The following RPS6KC1 variants were observed in gnomAD, a reference collection of about 807,000 sequenced individuals.
RPS6KC1 encodes ribosomal protein S6 kinase C1, also known as inactive ribosomal protein S6 kinase delta-1.
Under a neutral mutation model 103.8 loss-of-function variants are expected in RPS6KC1, and 54 were observed. The observed-to-expected ratio is 0.52, with a 90% CI of 0.42 to 0.65. The LOEUF (loss-of-function observed/expected upper bound fraction) is 0.65, where lower values mean the gene tolerates loss of function less well. Ranked by LOEUF, RPS6KC1 falls within the 30% of genes least tolerant of loss-of-function variation. The probability of loss-of-function intolerance (pLI) is 0.00; values close to 1 mark genes in which losing one functional copy is unlikely to be tolerated. For synonymous variants in RPS6KC1, 439 were observed against 438.7 expected (o/e 1.00, Z -0.01); for missense variants, 1,151 against 1,253.8 (o/e 0.92, Z 1.24).
the RPS6KC1 span, among the ~76,000 whole-genome samples, chr1:213,622,679 T>C: frequency 1.3e-5 from 2 of 152,048 alleles, no homozygotes; most frequent in Non-Finnish European, 2.9e-5. Context: ...CTGACCCCCA[T>C]AGGCACTTGA....
the RPS6KC1 span, among the ~76,000 whole-genome samples, chr1:213,630,815 G>A: frequency 1.3e-5 from 2 of 152,216 alleles, no homozygotes; most frequent in Non-Finnish European, 2.9e-5. Flanking sequence ...TCAGCTGCAG[G>A]TCTATTGGAG....
the RPS6KC1 span, among the ~76,000 whole-genome samples, chr1:213,437,846 A>T: frequency 6.6e-6 from 1 of 151,868 alleles, no homozygotes; most frequent in African/African-American, 2.4e-5. Flanking sequence ...CTAATATGTG[A>T]ATTTAAAGCT....
chr1:213,249,519 C>T (rs1011082604), intron 12 of RPS6KC1, among the ~76,000 whole-genome samples: 11 of 152,062 alleles, frequency 7.2e-5, no homozygotes, highest in East Asian at 1.9e-4. Flanking sequence ...AGCAGCAGAG[C>T]GGCAGAGAGA....
the RPS6KC1 span, among the ~76,000 whole-genome samples, chr1:213,626,705 T>G: frequency 2.0e-5 from 3 of 152,188 alleles, no homozygotes; most frequent in East Asian, 5.8e-4. Context: ...GTTTCTTGTT[T>G]TTGTCAGATT....
the RPS6KC1 span, among the ~76,000 whole-genome samples, chr1:213,411,858 C>T: frequency 6.6e-6 from 1 of 152,198 alleles, no homozygotes; most frequent in Non-Finnish European, 1.5e-5. Context: ...CCTAAGGGCT[C>T]CTTTCTGGCT....
the RPS6KC1 span, among the ~76,000 whole-genome samples, chr1:213,528,402 G>A: frequency 6.6e-6 from 1 of 151,442 alleles, no homozygotes; most frequent in Admixed American, 6.6e-5. Flanking sequence ...TAACTCCCAT[G>A]GCTCCCTCCC....
At chr1:213,564,432 G>C in the RPS6KC1 span, among the ~76,000 whole-genome samples, 1 of 152,154 alleles carries the variant, frequency 6.6e-6, no homozygotes. Context: ...TGAAAGCCTG[G>C]GAAAAGAAGG....
At chr1:213,592,438 C>A in the RPS6KC1 span, among the ~76,000 whole-genome samples, 1 of 152,196 alleles carries the variant, frequency 6.6e-6, no homozygotes, top group East Asian at 1.9e-4. Flanking sequence ...CTTGAAAAAT[C>A]AGGGGTTCAG....
chr1:213,131,057 A>G (rs2085546882), intron 6 of RPS6KC1, among the ~76,000 whole-genome samples: 1 of 152,086 alleles, frequency 6.6e-6, no homozygotes, highest in South Asian at 2.1e-4. Flanking sequence ...TTCTGGAGGG[A>G]GAATAGCTAA....
chr1:213,414,929 C>T, the RPS6KC1 span, among the ~76,000 whole-genome samples: 1 of 152,146 alleles, frequency 6.6e-6, no homozygotes, highest in Non-Finnish European at 1.5e-5. Flanking sequence ...TGGTGCTCTA[C>T]CCAATGAGAC....
rs548941050 is a variant in RPS6KC1, at chr1:213,177,916, G to A, written c.1044+1424G>A. Among the ~76,000 whole-genome samples the A allele has an allele frequency of 8.9e-4, 135 of 152,036 alleles. 1 individual carries two copies. Among genetic ancestry groups the A allele is most frequent in the African/African-American group, 3.2e-3 (134 of 41,468 alleles). On this transcript the variant is annotated intron_variant, in intron 8 of 14. Coordinates refer to ENST00000366960, the MANE Select transcript of RPS6KC1 (RefSeq NM_012424.6). ...GTCTCACAGGTTTGTTTAAATAAGG[G>A]CTTTTGGCTGGGTGCTGTAGTTTGC...
the RPS6KC1 span, among the ~76,000 whole-genome samples, chr1:213,390,112 T>C: frequency 5.9e-5 from 9 of 152,294 alleles, no homozygotes; most frequent in African/African-American, 2.2e-4. Context: ...ATGACATTTA[T>C]GTGAAATAAA....
At chr1:213,481,236 G>A in the RPS6KC1 span, among the ~76,000 whole-genome samples, 7,558 of 152,220 alleles carry the variant, frequency 0.05, 605 homozygotes, top group African/African-American at 0.17. Context: ...TGTGATGTCA[G>A]TTCTTTGAAA....
At chr1:213,521,283 A>G in the RPS6KC1 span, among the ~76,000 whole-genome samples, 1 of 152,230 alleles carries the variant, frequency 6.6e-6, no homozygotes, top group Non-Finnish European at 1.5e-5. Context: ...TAATGTTTAC[A>G]CTATACTGTA....
intron 9 of RPS6KC1, 141 bp from the exon 10 acceptor site, chr1:213,231,982 A>G: frequency 2.0e-6 from 2 of 998,658 alleles, no homozygotes; most frequent in Non-Finnish European, 3.0e-6. Context: ...TGGGGGGCAT[A>G]GAGCAGCAGA....
the RPS6KC1 span, among the ~76,000 whole-genome samples, chr1:213,367,414 G>A: frequency 3.3e-5 from 5 of 152,214 alleles, no homozygotes; most frequent in East Asian, 7.7e-4. Flanking sequence ...CAAGGTCAAA[G>A]TCCTTTTGAA....
At chr1:213,085,200 A>G (rs2080274142) in intron 3 of RPS6KC1, among the ~76,000 whole-genome samples, 1 of 152,162 alleles carries the variant, frequency 6.6e-6, no homozygotes, top group Non-Finnish European at 1.5e-5. Flanking sequence ...GGCTTGTGGC[A>G]GCATTACTTT....
At chr1:213,696,522 A>G in the RPS6KC1 span, among the ~76,000 whole-genome samples, 6 of 151,092 alleles carry the variant, frequency 4.0e-5, no homozygotes, top group Non-Finnish European at 5.9e-5. Flanking sequence ...AAAAAAAAAA[A>G]AAAAAAAGAA....
intron 10 of RPS6KC1, among the ~76,000 whole-genome samples, chr1:213,238,242 A>G (rs1022622459): frequency 3.3e-5 from 5 of 152,186 alleles, no homozygotes; most frequent in African/African-American, 1.2e-4. Context: ...AGAAATTGGT[A>G]AAAGAGAACA....
Sources: gnomAD v4.1 joint callset for allele counts (sites outside exome capture counted in the v4.1 genomes callset) on GRCh38, gnomAD v4.1.1 for gene constraint, MANE v1.5 for transcripts, NCBI Gene and HGNC (gene_info 2026-07-23, HGNC 2026-07-21) for gene names.